ADGRL2: variants seen among roughly 807,000 people sequenced by gnomAD.
The protein encoded by ADGRL2 is calcium-independent alpha-latrotoxin receptor 2.
Under a neutral mutation model 157.4 loss-of-function variants are expected in ADGRL2, and 44 were observed. The observed-to-expected ratio is 0.28, with a 90% CI of 0.22 to 0.36. The LOEUF (loss-of-function observed/expected upper bound fraction) is 0.36. Among genes scored for constraint, ADGRL2 ranks in the 10% least tolerant of loss-of-function variants. The probability of loss-of-function intolerance (pLI) is 1.00; values close to 1 mark genes in which losing one functional copy is unlikely to be tolerated. For synonymous variants in ADGRL2, 585 were observed against 624.7 expected (o/e 0.94, Z 0.95); for missense variants, 1,510 against 1,768.9 (o/e 0.85, Z 2.63).
chr1:81,561,262 G>A (rs79346172), intron 2 of ADGRL2, among the ~76,000 whole-genome samples: 3,790 of 152,052 alleles, frequency 0.025, 76 homozygotes, highest in East Asian at 0.037. Context: ...TAGAATTTAA[G>A]CTCAAGATAG....
chr1:81,917,451 A>G (rs1471601077), intron 3 of ADGRL2, among the ~76,000 whole-genome samples: 1 of 150,614 alleles, frequency 6.6e-6, no homozygotes, highest in Non-Finnish European at 1.5e-5. Context: ...GCTGTTTATT[A>G]CTCCACTATT....
intron 1 of ADGRL2, among the ~76,000 whole-genome samples, chr1:81,756,075 T>A (rs12145748): frequency 0.47 from 71,019 of 151,940 alleles, 17,533 homozygotes; most frequent in East Asian, 0.85. Flanking sequence ...TACAACCCAG[T>A]CTTATCAAGA....
chr1:81,384,807 A>G (rs1208805652), intron 1 of ADGRL2, among the ~76,000 whole-genome samples: 1 of 152,152 alleles, frequency 6.6e-6, no homozygotes, highest in Non-Finnish European at 1.5e-5. Context: ...TTCATTATGT[A>G]GCTGGTAATA....
At chr1:81,926,853 T>C (rs191447233) in intron 3 of ADGRL2, among the ~76,000 whole-genome samples, 68 of 152,148 alleles carry the variant, frequency 4.5e-4, no homozygotes, top group African/African-American at 1.5e-3. Context: ...TTGTACTGGA[T>C]TAATAAGGCT....
chr1:81,991,487 A>C lies in ADGRL2; in HGVS notation c.*342A>C, dbSNP rs936414577. The C allele has an allele frequency of 4.3e-5, 8 of 187,322 alleles. No individual in the cohort carries two copies. The highest frequency in any genetic ancestry group is 1.9e-4 in the African/African-American group (8 of 42,630). The allele number at this position is 187,322 out of a possible 1,614,324, so 11.6% of individuals were successfully genotyped here. A position where few individuals can be genotyped will look rare whatever the true frequency, so the allele number is the denominator to read the frequency against. Reference sequence around the variant, plus strand: ...CAGCAGTCTGTGAACTAAATTTGTAAATATGGCTGCACCATTTTTGTAGGC... The same window carrying C: ...CAGCAGTCTGTGAACTAAATTTGTACATATGGCTGCACCATTTTTGTAGGC... On this transcript the variant is annotated 3_prime_UTR_variant, in exon 24 of 24. Transcript: ENST00000686636.
chr1:81,642,161 T>C (rs564215378), intron 3 of ADGRL2, among the ~76,000 whole-genome samples: 6 of 145,742 alleles, frequency 4.1e-5, no homozygotes, highest in Non-Finnish European at 8.9e-5. Context: ...GGCAGGAGAA[T>C]GGCATGAACC....
rs927362698 is a variant in ADGRL2 at position 81,992,517 on chromosome 1, T to C, written c.*1372T>C. 6.6e-6 allele frequency: 1 copy of C among 152,458 alleles called. No individual in the cohort carries two copies. The highest frequency in any genetic ancestry group is 6.5e-5 in the Admixed American group (1 of 15,274). 9.4% of individuals were successfully genotyped at this position (152,458 alleles called of 1,614,324 possible). The stretch of plus-strand genomic sequence containing the variant: ...TTAAGTAACGTCATACCAAAGTCCA[T>C]GGATATATGAAAGGATACAATTAAG... On this transcript the variant is annotated 3_prime_UTR_variant, in exon 24 of 24. Transcript: ENST00000686636.
At chr1:81,843,997 C>T (rs191432282) in intron 2 of ADGRL2, among the ~76,000 whole-genome samples, 26 of 152,196 alleles carry the variant, frequency 1.7e-4, no homozygotes, top group African/African-American at 4.3e-4. Flanking sequence ...GTATTGCAAA[C>T]GTGTATGTCA....
At chr1:81,762,203 G>C (rs1275784474) in intron 2 of ADGRL2, among the ~76,000 whole-genome samples, 1 of 152,110 alleles carries the variant, frequency 6.6e-6, no homozygotes, top group African/African-American at 2.4e-5. Context: ...GAAAAAGAAA[G>C]CATTATCTGT....
chr1:81,801,934 T>C (rs1432242978), intron 1 of ADGRL2, among the ~76,000 whole-genome samples: 2 of 152,006 alleles, frequency 1.3e-5, no homozygotes, highest in Non-Finnish European at 2.9e-5. Flanking sequence ...GAAAGACCTC[T>C]CTCGAAGAGC....
At chr1:81,400,346 T>G (rs1321093780) in intron 1 of ADGRL2, among the ~76,000 whole-genome samples, 1 of 152,042 alleles carries the variant, frequency 6.6e-6, no homozygotes, top group Non-Finnish European at 1.5e-5. Context: ...GGGATTCAAG[T>G]TTGCTCTCTG....
chr1:81,916,857 T>G (rs1008421721), intron 3 of ADGRL2, among the ~76,000 whole-genome samples: 1 of 152,102 alleles, frequency 6.6e-6, no homozygotes, highest in African/African-American at 2.4e-5. Context: ...AGAAAACATC[T>G]TACTAAATTG....
chr1:81,820,762 A>G (rs2090911057), intron 1 of ADGRL2, among the ~76,000 whole-genome samples: 1 of 151,890 alleles, frequency 6.6e-6, no homozygotes. Flanking sequence ...AAACCCCACA[A>G]TATTCTGCTT....
At chr1:81,964,626 T>G (rs1464998258) in intron 11 of ADGRL2, among the ~76,000 whole-genome samples, 1 of 152,024 alleles carries the variant, frequency 6.6e-6, no homozygotes, top group Non-Finnish European at 1.5e-5. Flanking sequence ...AAAACAGAGT[T>G]GCAGAAGATT....
chr1:81,594,983 T>C (rs570208557), intron 3 of ADGRL2, among the ~76,000 whole-genome samples: 9 of 152,224 alleles, frequency 5.9e-5, no homozygotes, highest in Admixed American at 2.6e-4. Flanking sequence ...CAAACACTTA[T>C]TGAGCACTGA....
intron 2 of ADGRL2, among the ~76,000 whole-genome samples, chr1:81,852,974 G>C (rs545395565): frequency 6.6e-6 from 1 of 152,176 alleles, no homozygotes; most frequent in East Asian, 1.9e-4. Context: ...TGGTATAGTA[G>C]AAAAACGAAC....
chr1:81,779,251 G>C (rs1405747517), intron 2 of ADGRL2, among the ~76,000 whole-genome samples: 1 of 152,136 alleles, frequency 6.6e-6, no homozygotes, highest in African/African-American at 2.4e-5. Context: ...GTGATGGGAA[G>C]AATGAAATGT....
intron 1 of ADGRL2, among the ~76,000 whole-genome samples, chr1:81,417,137 A>G (rs61774031): frequency 0.21 from 32,631 of 152,126 alleles, 4,571 homozygotes; most frequent in Non-Finnish European, 0.31. Context: ...CCCGAATTAC[A>G]TTTTATAATT....
intron 23 of ADGRL2, chr1:81,990,004 A>G (rs923688693): frequency 5.1e-6 from 5 of 984,420 alleles, no homozygotes; most frequent in Non-Finnish European, 6.0e-6. Flanking sequence ...TTATTTTTAT[A>G]AACCATAGTC....
Sources: gnomAD v4.1 joint callset for allele counts (sites outside exome capture counted in the v4.1 genomes callset) on GRCh38, gnomAD v4.1.1 for gene constraint, MANE v1.5 for transcripts, NCBI Gene and HGNC (gene_info 2026-07-23, HGNC 2026-07-21) for gene names.